The following FBXL20 variants were observed in gnomAD, a reference collection of about 807,000 sequenced individuals.
FBXL20 encodes the protein F-box and leucine rich repeat protein 20.
A neutral mutation model predicts 64.0 loss-of-function variants in FBXL20; 11 were observed. The ratio of observed to expected loss-of-function variants is 0.17; its 90% CI spans 0.11 to 0.28. The LOEUF (loss-of-function observed/expected upper bound fraction) is 0.28, where lower values mean the gene tolerates loss of function less well. Ranked by LOEUF, FBXL20 falls within the 10% of genes least tolerant of loss-of-function variation. The pLI, the probability that FBXL20 is intolerant of heterozygous loss-of-function variation, is 1.00. For synonymous variants in FBXL20, 184 were observed against 189.0 expected (o/e 0.97, Z 0.22); for missense variants, 303 against 526.2 (o/e 0.58, Z 4.15).
chr17:39,285,265 A>G (rs2046979007), intron 7 of FBXL20, among the ~76,000 whole-genome samples: 1 of 151,940 alleles, frequency 6.6e-6, no homozygotes, highest in Admixed American at 6.6e-5. Flanking sequence ...AAACTGTACT[A>G]CCCTGTTCAG....
At chr17:39,263,065 G>A (rs750786971) in intron 14 of FBXL20, among the ~76,000 whole-genome samples, 55 of 151,648 alleles carry the variant, frequency 3.6e-4, no homozygotes, top group Non-Finnish European at 7.5e-4. Context: ...TCTCTATTAT[G>A]GTGGATAGGT....
intron 1 of FBXL20, among the ~76,000 whole-genome samples, chr17:39,398,203 A>C (rs2048206195): frequency 6.6e-6 from 1 of 152,018 alleles, no homozygotes. Flanking sequence ...AATCGCTTAA[A>C]ACCTGGGAAG....
intron 1 of FBXL20, among the ~76,000 whole-genome samples, chr17:39,388,720 G>A (rs1374004828): frequency 1.3e-5 from 2 of 150,712 alleles, no homozygotes; most frequent in South Asian, 2.1e-4. Context: ...TTGACCTCGC[G>A]ATCCACCCAC....
chr17:39,365,317 A>G (rs1478682440), intron 1 of FBXL20, among the ~76,000 whole-genome samples: 1 of 152,208 alleles, frequency 6.6e-6, no homozygotes, highest in Admixed American at 6.5e-5. Context: ...GTTTGGCCAG[A>G]TAAACCTAAA....
chr17:39,393,918 C>T (rs980578132), intron 1 of FBXL20, among the ~76,000 whole-genome samples: 2 of 152,158 alleles, frequency 1.3e-5, no homozygotes, highest in African/African-American at 2.4e-5. Context: ...TACTATTGCA[C>T]AGTTCAATAC....
chr17:39,337,268 G>A (rs12944316), intron 2 of FBXL20, among the ~76,000 whole-genome samples: 6,888 of 152,264 alleles, frequency 0.045, 521 homozygotes, highest in African/African-American at 0.16. Flanking sequence ...GATTGCAGAC[G>A]GAGTCTCGTT....
At chr17:39,373,003 TTTTC>T (rs1418342781) in intron 1 of FBXL20, among the ~76,000 whole-genome samples, 1 of 151,754 alleles carries the variant, frequency 6.6e-6, no homozygotes, top group Non-Finnish European at 1.5e-5. Flanking sequence ...CTTATTTTTC[TTTTC>T]TTTTTTTTTT....
At position 39,257,358 on chromosome 17, in the gene FBXL20, T is replaced by C. The variant is rs978990349; in HGVS notation, c.*4102A>G. ...AAAGCCCAAAATGAAGCATCATAAA[T>C]TTACTAGGTTTCCCTATAAAATGTT... On this transcript the variant is annotated 3_prime_UTR_variant, in exon 15 of 15. Transcript: ENST00000264658. The C allele has an allele frequency of 6.6e-6, 1 of 152,226 alleles. No homozygotes were observed. The highest frequency in any genetic ancestry group is 1.5e-5 in the Non-Finnish European group (1 of 68,036). 9.4% of individuals were successfully genotyped at this position (152,226 alleles called of 1,614,324 possible). A position where few individuals can be genotyped will look rare whatever the true frequency, so the allele number is the denominator to read the frequency against.
At chr17:39,365,203 T>A (rs2047847870) in intron 1 of FBXL20, among the ~76,000 whole-genome samples, 2 of 152,208 alleles carry the variant, frequency 1.3e-5, no homozygotes, top group Non-Finnish European at 2.9e-5. Flanking sequence ...ATTTTTCCTA[T>A]AAGTAATTTT....
At chr17:39,265,320 G>C in intron 13 of FBXL20, 77 bp downstream of exon 13, 1 of 1,142,772 alleles carries the variant, frequency 8.8e-7, no homozygotes. Context: ...CAGACACTAA[G>C]AGCTGGGTTC....
At chr17:39,327,628 A>G (rs2047420853) in intron 2 of FBXL20, among the ~76,000 whole-genome samples, 1 of 152,188 alleles carries the variant, frequency 6.6e-6, no homozygotes, top group Admixed American at 6.6e-5. Flanking sequence ...CAAAAACCAT[A>G]TATTTATTAA....
At chr17:39,288,480 T>C (rs1039991536) in intron 6 of FBXL20, among the ~76,000 whole-genome samples, 2 of 152,098 alleles carry the variant, frequency 1.3e-5, no homozygotes, top group African/African-American at 2.4e-5. Context: ...TTCTTTCTTT[T>C]CTATCTTTTA....
In FBXL20 at chr17:39,258,069, T is replaced by C. The variant is rs1307781656; in HGVS notation, c.*3391A>G. Reference sequence around the variant, plus strand: ...CCACCTGTAGGTTTACGGCAGTAGTTTTGAGGGTACCTTCTAACTTATCCC... The same window carrying C: ...CCACCTGTAGGTTTACGGCAGTAGTCTTGAGGGTACCTTCTAACTTATCCC... On this transcript the variant is annotated 3_prime_UTR_variant, in exon 15 of 15. Transcript: ENST00000264658. 2 of 152,202 alleles carry C rather than the reference T, an allele frequency of 1.3e-5. No homozygotes were observed. Among genetic ancestry groups the C allele is most frequent in the African/African-American group, 4.8e-5 (2 of 41,452 alleles). 9.4% of individuals were successfully genotyped at this position (152,202 alleles called of 1,614,324 possible).
intron 9 of FBXL20, among the ~76,000 whole-genome samples, chr17:39,276,193 C>CA (rs1484721356): frequency 8.5e-6 from 1 of 118,266 alleles, no homozygotes; most frequent in Non-Finnish European, 1.6e-5. Context: ...TGCACCACTG[C>CA]ACTCCACCAG....
intron 2 of FBXL20, among the ~76,000 whole-genome samples, chr17:39,315,821 GAGAGAGAC>G (rs1172921897): frequency 1.4e-4 from 15 of 109,922 alleles, no homozygotes; most frequent in African/African-American, 4.2e-4. Flanking sequence ...GAGAGTGAGA[GAGAGAGAC>G]AGAGAGAGAG....
chr17:39,393,183 G>A (rs1042913327), intron 1 of FBXL20, among the ~76,000 whole-genome samples: 17 of 151,900 alleles, frequency 1.1e-4, no homozygotes, highest in African/African-American at 3.6e-4. Context: ...CAGCTACTCA[G>A]GAGGCTGAGC....
At chr17:39,295,651 TA>T (rs1424680164) in intron 6 of FBXL20, among the ~76,000 whole-genome samples, 4 of 152,150 alleles carry the variant, frequency 2.6e-5, no homozygotes, top group Admixed American at 1.3e-4. Context: ...TATTAAACGA[TA>T]AAACATAATT....
intron 2 of FBXL20, among the ~76,000 whole-genome samples, chr17:39,332,564 A>T (rs2047472563): frequency 3.2e-5 from 4 of 125,762 alleles, no homozygotes; most frequent in Non-Finnish European, 3.2e-5. Context: ...TTTTTTTAAG[A>T]CAGAGTCTCG....
chr17:39,342,907 G>T (rs376861643), intron 2 of FBXL20, among the ~76,000 whole-genome samples: 2 of 151,776 alleles, frequency 1.3e-5, no homozygotes, highest in Non-Finnish European at 2.9e-5. Flanking sequence ...AAAAACCTAC[G>T]TTACTGTATA....
Sources: gnomAD v4.1 joint callset for allele counts (sites outside exome capture counted in the v4.1 genomes callset) on GRCh38, gnomAD v4.1.1 for gene constraint, MANE v1.5 for transcripts, NCBI Gene and HGNC (gene_info 2026-07-23, HGNC 2026-07-21) for gene names.